The following ADGRL4 variants were observed in gnomAD, a reference collection of about 807,000 sequenced individuals.
ADGRL4 encodes the protein EGF, latrophilin and seven transmembrane domain containing 1.
A neutral mutation model predicts 74.8 loss-of-function variants in ADGRL4; 90 were observed. The observed-to-expected ratio is 1.20, with a 90% CI of 1.02 to 1.43. The LOEUF (loss-of-function observed/expected upper bound fraction) is 1.43, where lower values mean the gene tolerates loss of function less well. Among genes scored for constraint, ADGRL4 ranks in the 40% most tolerant of loss-of-function variants. The pLI is 0.00. For synonymous variants in ADGRL4, 311 were observed against 279.2 expected, an observed-to-expected ratio of 1.11 and a Z score of -1.14; for missense variants, 881 against 814.3, an observed-to-expected ratio of 1.08 and a Z score of -1.00.
At chr1:78,959,350 G>A (rs1649896709) in intron 2 of ADGRL4, among the ~76,000 whole-genome samples, 1 of 152,146 alleles carries the variant, frequency 6.6e-6, no homozygotes. Context: ...AATTGGCAAA[G>A]TATATTTAGA....
At chr1:78,970,725 A>G (rs1417223809) in intron 2 of ADGRL4, among the ~76,000 whole-genome samples, 2 of 152,270 alleles carry the variant, frequency 1.3e-5, no homozygotes, top group East Asian at 3.9e-4. Context: ...ACTCCATTGA[A>G]AAAATCTCTT....
chr1:78,955,714 A>C (rs1649815995), intron 2 of ADGRL4, among the ~76,000 whole-genome samples: 1 of 151,928 alleles, frequency 6.6e-6, no homozygotes, highest in Non-Finnish European at 1.5e-5. Flanking sequence ...TTATTTTTTC[A>C]TACTCAAAAT....
In ADGRL4 at chr1:78,970,861, G is replaced by T. The variant is rs541040940; in HGVS notation, c.173-24435C>A. ...AAGTTAATTTCCCAAGCTGTAAACT[G>T]GTTGGTTTAGGATTGGGCTCAGGGG... is the stretch of plus-strand genomic sequence containing the variant. On this transcript the variant is annotated intron_variant, in intron 2 of 14. Coordinates refer to ENST00000370742, the MANE Select transcript of ADGRL4 (RefSeq NM_022159.4). Among the ~76,000 whole-genome samples, 4 of 152,214 alleles carry T rather than the reference G, an allele frequency of 2.6e-5. 1 individual carries two copies. The South Asian group carries it at 8.3e-4, about 32-fold the overall frequency.
At chr1:78,918,347 T>C (rs1357828182) in intron 10 of ADGRL4, among the ~76,000 whole-genome samples, 2 of 151,936 alleles carry the variant, frequency 1.3e-5, no homozygotes, top group Non-Finnish European at 1.5e-5. Flanking sequence ...ATTATTCTCA[T>C]GTAAACCATG....
Position 78,936,313 on chromosome 1 carries a change from C to A in ADGRL4, c.859G>T (p.Ala287Ser), listed in dbSNP as rs371640884. Reference protein sequence around the residue: ...DYINIFPKRKAAYDSNGNVAV... With the variant: ...DYINIFPKRKSAYDSNGNVAV... ...GTCCTACCATTTGAATCATATGCAGCTTTTCTCTTTGGAAATATATTTATG... is the reference window on the plus strand; with the variant it reads ...GTCCTACCATTTGAATCATATGCAGATTTTCTCTTTGGAAATATATTTATG... The change falls in exon 7 of 15, where the codon GCT becomes TCT. Residue 287 changes from alanine to serine, a missense_variant. By Grantham distance (99) the Ala-to-Ser change is moderately conservative. Transcript: ENST00000370742. The A allele has an allele frequency of 1.0e-5, 16 of 1,593,710 alleles. No individual in the cohort carries two copies. The African/African-American group carries it at 1.6e-4, about 16-fold the overall frequency.
At chr1:78,920,997 T>A (rs542251062) in intron 9 of ADGRL4, among the ~76,000 whole-genome samples, 30 of 151,950 alleles carry the variant, frequency 2.0e-4, no homozygotes, top group African/African-American at 6.7e-4. Flanking sequence ...GGTTACTTTA[T>A]ATATTTAATG....
At position 78,894,226 on chromosome 1, in the gene ADGRL4, A is replaced by C. The variant is rs545795544; in HGVS notation, c.1750-1037T>G. 4.4e-4 allele frequency among the ~76,000 whole-genome samples: 67 copies of C among 152,060 alleles called. 1 individual carries two copies. Among genetic ancestry groups the C allele is most frequent in the African/African-American group, 1.6e-3 (65 of 41,554 alleles). Reference sequence around the variant, plus strand: ...CTAATGAGTTTTATGTAGCCTCTCAAAATGAAATTTAGCATATTGTAGTAT... The same window carrying C: ...CTAATGAGTTTTATGTAGCCTCTCACAATGAAATTTAGCATATTGTAGTAT... On this transcript the variant is annotated intron_variant, in intron 12 of 14. Coordinates refer to ENST00000370742, the MANE Select transcript of ADGRL4 (RefSeq NM_022159.4).
intron 12 of ADGRL4, among the ~76,000 whole-genome samples, chr1:78,903,078 TA>T (rs1180940345): frequency 6.6e-6 from 1 of 152,178 alleles, no homozygotes; most frequent in Non-Finnish European, 1.5e-5. Flanking sequence ...CTTTAATACT[TA>T]AAATATGAAT....
At chr1:78,927,265 G>A (rs1003245664) in intron 7 of ADGRL4, among the ~76,000 whole-genome samples, 174 bp from the exon 8 acceptor site, 2 of 151,972 alleles carry the variant, frequency 1.3e-5, no homozygotes, top group African/African-American at 4.8e-5. Context: ...TTAAACCATA[G>A]GAAGACATAT....
chr1:78,983,146 T>C (rs1055376086), intron 2 of ADGRL4, among the ~76,000 whole-genome samples: 3 of 151,738 alleles, frequency 2.0e-5, no homozygotes, highest in Non-Finnish European at 4.4e-5. Flanking sequence ...ATATTCTTCC[T>C]GTATAGAAAG....
intron 2 of ADGRL4, among the ~76,000 whole-genome samples, chr1:78,959,947 C>T (rs1404789148): frequency 6.6e-6 from 1 of 152,004 alleles, no homozygotes; most frequent in Non-Finnish European, 1.5e-5. Context: ...AAAGAATAAG[C>T]CAAAGCCTAA....
intron 12 of ADGRL4, among the ~76,000 whole-genome samples, chr1:78,914,446 C>T (rs1648828308): frequency 6.6e-6 from 1 of 151,796 alleles, no homozygotes; most frequent in South Asian, 2.1e-4. Flanking sequence ...CTTTACCTAG[C>T]AGGATATTCT....
At position 78,939,175 on chromosome 1, in the gene ADGRL4, C is replaced by A. The variant is rs767624944; in HGVS notation, c.396+13G>T. 7.1e-6 allele frequency: 11 copies of A among 1,546,514 alleles called. No individual in the cohort carries two copies. The highest frequency in any genetic ancestry group is 8.7e-7 in the Non-Finnish European group (1 of 1,151,212). ...ATGTCAAAATAAAATAAATTGTTAA[C>A]TGTTCTACTTACTTTTGTTAAAGTT... On this transcript the variant is annotated intron_variant, in intron 4 of 14. Coordinates refer to ENST00000370742, the MANE Select transcript of ADGRL4 (RefSeq NM_022159.4).
intron 12 of ADGRL4, among the ~76,000 whole-genome samples, chr1:78,903,657 C>T (rs374147986): frequency 2.6e-5 from 4 of 151,948 alleles, no homozygotes; most frequent in Admixed American, 6.6e-5. Flanking sequence ...TACTATTGGC[C>T]GGGCGCGGTG....
At chr1:78,947,131 T>C (rs1199016253) in intron 2 of ADGRL4, among the ~76,000 whole-genome samples, 2 of 152,166 alleles carry the variant, frequency 1.3e-5, no homozygotes, top group South Asian at 2.1e-4. Context: ...TCAGAGATGA[T>C]CATAATGGTC....
chr1:78,976,714 A>G (rs1196810063), intron 2 of ADGRL4, among the ~76,000 whole-genome samples: 1 of 151,520 alleles, frequency 6.6e-6, no homozygotes, highest in East Asian at 1.9e-4. Flanking sequence ...AAACACAAAC[A>G]ATCAAAGCTT....
At chr1:78,953,544 T>C (rs1489391) in intron 2 of ADGRL4, among the ~76,000 whole-genome samples, 104,564 of 152,104 alleles carry the variant, frequency 0.69, 36,042 homozygotes, top group East Asian at 0.78. Context: ...CTTTATAATT[T>C]TCTAACCTGC....
At chr1:78,914,781 G>T (rs7552978) in intron 12 of ADGRL4, among the ~76,000 whole-genome samples, 3 of 151,562 alleles carry the variant, frequency 2.0e-5, no homozygotes, top group Non-Finnish European at 4.4e-5. Context: ...CAGAGTGGTT[G>T]GTTCTGAGAT....
intron 2 of ADGRL4, among the ~76,000 whole-genome samples, chr1:78,960,463 C>T (rs1282023680): frequency 6.6e-6 from 1 of 152,090 alleles, no homozygotes; most frequent in Non-Finnish European, 1.5e-5. Flanking sequence ...CCCCGACACT[C>T]TTATTGAGTG....
Sources: allele counts gnomAD v4.1 joint callset (sites outside exome capture counted in the v4.1 genomes callset), GRCh38; gene constraint gnomAD v4.1.1; transcripts MANE v1.5; gene names NCBI Gene and HGNC (gene_info 2026-07-23, HGNC 2026-07-21).